LYST: variants seen among roughly 807,000 people sequenced by gnomAD.
LYST encodes the protein lysosomal trafficking regulator.
Under a neutral mutation model 413.6 loss-of-function variants are expected in LYST, and 192 were observed. The ratio of observed to expected loss-of-function variants is 0.46; its 90% CI spans 0.41 to 0.52. The LOEUF is 0.52. Among genes scored for constraint, LYST ranks in the 20% least tolerant of loss-of-function variants. The probability of loss-of-function intolerance (pLI) is 0.00; values close to 1 mark genes in which losing one functional copy is unlikely to be tolerated. For missense variants in LYST, 3,815 were observed against 4,499.9 expected, an observed-to-expected ratio of 0.85 and a Z score of 4.35; for synonymous variants, 1,525 against 1,567.3, an observed-to-expected ratio of 0.97 and a Z score of 0.64.
Position 235,728,098 on chromosome 1 carries a change from G to A in LYST, c.9140C>T (p.Ala3047Val). 6 of 1,612,796 alleles carry A rather than the reference G, an allele frequency of 3.7e-6. No homozygotes were observed. The highest frequency in any genetic ancestry group is 4.2e-6 in the Non-Finnish European group (5 of 1,178,948). Residue 3047 changes from alanine (A) to valine (V), a missense_variant, in exon 38 of 53, where the codon GCT (alanine) becomes GTT (valine). This residue lies in a region of LYST where 866 missense variants were observed against 1,156.0 expected (regional missense o/e 0.75). Transcript: ENST00000389793. ...KCGMYFVEDN[A>V]SDTVESSSLQ... ...CACCGAACTTTCAACTGTATCAGAA[G>A]CATTATCTTCCACAAAATACATTCC...
rs780004820 is a variant in LYST at position 235,741,615 on chromosome 1, G to A, written c.8165C>T (p.Ala2722Val). ...AGTCCATTGCTGCTTGGAACCACTG[G>A]CTTTACTTGAACCCTAAAATCAATC... is the stretch of plus-strand genomic sequence containing the variant. ...GFKVSIGSSK[A>V]SGSKQQWTKI... Residue 2722 changes from alanine (A) to valine (V), a missense_variant, in exon 31 of 53, where the codon GCC (alanine) becomes GTC (valine). Ala to Val is a moderately conservative substitution (Grantham distance 64, BLOSUM62 0). This residue lies in a region of LYST where 771 missense variants were observed against 837.1 expected (regional missense o/e 0.92). Transcript: ENST00000389793. 6.2e-7 allele frequency: 1 copy of A among 1,613,442 alleles called. No homozygotes were observed. Among genetic ancestry groups the A allele is most frequent in the Admixed American group, 1.7e-5 (1 of 60,020 alleles).
At position 235,741,201 on chromosome 1, in the gene LYST, T is replaced by C. The variant is rs561101055; in HGVS notation, c.8358+221A>G. 2.9e-3 allele frequency among the ~76,000 whole-genome samples: 436 copies of C among 152,274 alleles called. 2 individuals are homozygous for C. Among genetic ancestry groups the C allele is most frequent in the African/African-American group, 1.0e-2 (415 of 41,562 alleles). On this transcript the variant is annotated intron_variant, in intron 31 of 52. Transcript: ENST00000389793. ...CTGACAGAAACTCTGAAACAGAACT[T>C]CTTAATTTAGGCACTAGAAAAAAGA...
At chr1:235,692,946 G>T (rs919694424) in intron 47 of LYST, among the ~76,000 whole-genome samples, 3 of 151,996 alleles carry the variant, frequency 2.0e-5, no homozygotes, top group Non-Finnish European at 4.4e-5. Context: ...ACTTGAGTCT[G>T]GGAGGTGGAG....
At chr1:235,762,658 A>T (rs1310540556) in intron 22 of LYST, 62 bp downstream of exon 22, 1 of 1,513,812 alleles carries the variant, frequency 6.6e-7, no homozygotes, top group East Asian at 2.3e-5. Flanking sequence ...GTACAATTTA[A>T]TTATCTAAGA....
At position 235,773,940 on chromosome 1, in the gene LYST, C is replaced by T. The variant is rs776654357; in HGVS notation, c.5686G>A (p.Gly1896Arg). 4 of 1,604,166 alleles carry T rather than the reference C, an allele frequency of 2.5e-6. No individual in the cohort carries two copies. Among genetic ancestry groups the T allele is most frequent in the Non-Finnish European group, 3.4e-6 (4 of 1,171,066 alleles). The change falls in exon 19 of 53, where the codon GGA (glycine) becomes AGA (arginine). Residue 1896 changes from glycine (G) to arginine (R), a missense_variant. This residue lies in a region of LYST where 530 missense variants were observed against 696.5 expected (regional missense o/e 0.76). Coordinates refer to ENST00000389793, the MANE Select transcript of LYST (RefSeq NM_000081.4). ...GEDIIYMNEN[G>R]EFKLDVDSNA... The stretch of plus-strand genomic sequence containing the variant: ...GAGTCTACATCCAACTTAAACTCTC[C>T]ATTCTCATTCATATAAATAATATCT...
At chr1:235,675,469 G>T (rs559003990) in intron 50 of LYST, among the ~76,000 whole-genome samples, 9 of 152,264 alleles carry the variant, frequency 5.9e-5, no homozygotes, top group African/African-American at 2.2e-4. Flanking sequence ...CGATCGGTCG[G>T]TCGGACGCAG....
chr1:235,737,916 AGTCTGGATCT>A, intron 31 of LYST: 1 of 1,163,406 alleles, frequency 8.6e-7, no homozygotes, highest in East Asian at 4.2e-5. Flanking sequence ...GCTGCCGACG[AGTCTGGATCT>A]CACTGCCGCG....
At chr1:235,709,890 A>G (rs1228287953) in intron 43 of LYST, among the ~76,000 whole-genome samples, 1 of 140,950 alleles carries the variant, frequency 7.1e-6, no homozygotes, top group Non-Finnish European at 1.5e-5. Context: ...TCCTGTAGAT[A>G]GCAAAATTAT....
Position 235,757,445 on chromosome 1 carries a change from A to G in LYST, c.6895T>C (p.Cys2299Arg), listed in dbSNP as rs773265786. ...AATCCACAGCATATAGGTACCAAAC[A>G]GTCTTCAGTTACACTAAAACAGAGA... ...TASAHSVTED[C>R]LVPICCGLYE... Residue 2299 changes from cysteine (C) to arginine (R), a missense_variant, in exon 24 of 53, where the codon TGT becomes CGT. Transcript: ENST00000389793. 6.2e-7 allele frequency: 1 copy of G among 1,613,520 alleles called. No individual in the cohort carries two copies. Among genetic ancestry groups the G allele is most frequent in the South Asian group, 1.1e-5 (1 of 91,072 alleles).
chr1:235,866,309 C>G (rs1316212135), intron 1 of LYST, among the ~76,000 whole-genome samples: 1 of 152,142 alleles, frequency 6.6e-6, no homozygotes, highest in Non-Finnish European at 1.5e-5. Flanking sequence ...AAAGAGCGGA[C>G]CGAGGCGCAC....
Position 235,781,031 on chromosome 1 carries a change from G to C in LYST, c.5048C>G (p.Ala1683Gly). The C allele has an allele frequency of 6.2e-7, 1 of 1,611,696 alleles. No homozygotes were observed. The highest frequency in any genetic ancestry group is 1.3e-5 in the African/African-American group (1 of 74,958). Residue 1683 changes from alanine (A) to glycine (G), a missense_variant, in exon 16 of 53, where the codon GCC becomes GGC. By Grantham distance (60) the Ala-to-Gly change is moderately conservative. This residue lies in a region of LYST where 530 missense variants were observed against 696.5 expected (regional missense o/e 0.76). Transcript: ENST00000389793. ...FNGAKVGSQEAFYLYACGPNH... is the reference protein window; with the variant it reads ...FNGAKVGSQEGFYLYACGPNH... ...GGGTCCACAAGCATACAGATAAAAG[G>C]CCTCTTGTGAACCAACCTTAGCTCC...
At chr1:235,782,175 G>T in intron 14 of LYST, 88 bp from the exon 15 acceptor site, 4 of 1,159,644 alleles carry the variant, frequency 3.4e-6, no homozygotes, top group Admixed American at 2.3e-5. Context: ...TAACAATGGG[G>T]AATTCTTTTT....
chr1:235,874,795 G>A (rs1436920979), intron 1 of LYST, among the ~76,000 whole-genome samples: 1 of 152,200 alleles, frequency 6.6e-6, no homozygotes, highest in East Asian at 1.9e-4. Context: ...GTCCCTGAAA[G>A]GGTTTGTTGT....
rs930352496 is a variant in LYST at position 235,777,263 on chromosome 1, T to A, written c.5260A>T (p.Thr1754Ser). ...AGTCTAATCACTGGTTCATAGATGGTATACTGAGCAGGACAGTAAGTTGTA... is the reference window on the plus strand; with the variant it reads ...AGTCTAATCACTGGTTCATAGATGGAATACTGAGCAGGACAGTAAGTTGTA... ...VYTTYCPAQYTIYEPVIRLKG... is the reference protein window; with the variant it reads ...VYTTYCPAQYSIYEPVIRLKG... The change falls in exon 17 of 53, where the codon ACC becomes TCC. Residue 1754 changes from threonine to serine, a missense_variant. Around this residue, in one of 4 missense-constraint regions of LYST, gnomAD observed 530 missense variants for 696.5 expected, o/e 0.76. Coordinates refer to ENST00000389793, the MANE Select transcript of LYST (RefSeq NM_000081.4). The A allele has an allele frequency of 6.2e-7, 1 of 1,612,504 alleles. No homozygotes were observed. The highest frequency in any genetic ancestry group is 8.5e-7 in the Non-Finnish European group (1 of 1,178,628).
At position 235,674,167 on chromosome 1, in the gene LYST, CAG is replaced by C. The variant is rs751738472; in HGVS notation, c.11038+2922_11038+2923del. On this transcript the variant is annotated intron_variant, in intron 50 of 52. Coordinates refer to ENST00000389793, the MANE Select transcript of LYST (RefSeq NM_000081.4). The surrounding 1 kb of genome is among the most constrained non-coding windows in gnomAD (Gnocchi z 4.1). ...CAATTTTACCTTGTGTCTCTCACGACAGGGGGAATATTTGGCATTCCTTGGAA... is the reference window on the plus strand; with the variant it reads ...CAATTTTACCTTGTGTCTCTCACGACGGGGAATATTTGGCATTCCTTGGAA... 3.9e-5 allele frequency among the ~76,000 whole-genome samples: 6 copies of C among 152,128 alleles called. No homozygotes were observed. The highest frequency in any genetic ancestry group is 1.4e-4 in the African/African-American group (6 of 41,422).
chr1:235,789,111 C>T (rs1001340119), intron 12 of LYST, among the ~76,000 whole-genome samples: 1 of 152,024 alleles, frequency 6.6e-6, no homozygotes, highest in Non-Finnish European at 1.5e-5. Context: ...CAATTGTGGG[C>T]GTAACCAGAC....
intron 47 of LYST, among the ~76,000 whole-genome samples, chr1:235,687,790 C>T (rs976932452): frequency 6.6e-6 from 1 of 152,182 alleles, no homozygotes; most frequent in Non-Finnish European, 1.5e-5. Context: ...TCCTCTGCAC[C>T]TCAACATGTT....
intron 1 of LYST, among the ~76,000 whole-genome samples, chr1:235,835,120 T>C (rs1015249940): frequency 6.6e-6 from 1 of 151,804 alleles, no homozygotes; most frequent in South Asian, 2.1e-4. Context: ...TTTCGCCACA[T>C]TGGCCAGGCT....
chr1:235,712,253 G>T, intron 42 of LYST, 56 bp from the exon 43 acceptor site: 4 of 1,257,928 alleles, frequency 3.2e-6, no homozygotes, highest in East Asian at 2.5e-5. Flanking sequence ...TCTATTTGAG[G>T]CCTATCATAA....
Sources: allele counts gnomAD v4.1 joint callset (sites outside exome capture counted in the v4.1 genomes callset), GRCh38; gene constraint gnomAD v4.1.1; regional missense constraint gnomAD v4.1.1; non-coding constraint Gnocchi (gnomAD v3.1); transcripts MANE v1.5; gene names NCBI Gene and HGNC (gene_info 2026-07-23, HGNC 2026-07-21).